ITGB5: variants seen among roughly 807,000 people sequenced by gnomAD.
The protein encoded by ITGB5 is integrin subunit beta 5.
In ITGB5, 38 loss-of-function variants were observed where a neutral mutation model predicts 84.8. That is an observed-to-expected ratio of 0.45 (90% CI 0.35 to 0.59). ITGB5 has a LOEUF of 0.59. ITGB5 is among the 20% of genes least tolerant of loss of function. ITGB5 has a pLI of 0.01. For missense variants in ITGB5, 905 were observed against 1,034.5 expected, an observed-to-expected ratio of 0.87 and a Z score of 1.72; for synonymous variants, 393 against 414.4, an observed-to-expected ratio of 0.95 and a Z score of 0.63.
rs778549851 is a variant in ITGB5, at chr3:124,762,649, AC to A, written c.*973del. The A allele has an allele frequency of 4.6e-5, 7 of 152,106 alleles. No homozygotes were observed. The highest frequency in any genetic ancestry group is 2.9e-5 in the Non-Finnish European group (2 of 68,032). The allele number at this position is 152,106 out of a possible 1,614,324, so 9.4% of individuals were successfully genotyped here. A position where few individuals can be genotyped will look rare whatever the true frequency, so the allele number is the denominator to read the frequency against. Reference sequence around the variant, plus strand: ...GACTTCGTGTGGGAACCACCACTCAACCCTTGCTTGTCTGTACAATCTATTT... The same window carrying A: ...GACTTCGTGTGGGAACCACCACTCAACCTTGCTTGTCTGTACAATCTATTT... On this transcript the variant is annotated 3_prime_UTR_variant, in exon 15 of 15. Transcript: ENST00000296181.
chr3:124,896,331 A>G (rs1037780297), intron 1 of ITGB5, among the ~76,000 whole-genome samples: 1 of 152,156 alleles, frequency 6.6e-6, no homozygotes, highest in Non-Finnish European at 1.5e-5. Context: ...GTCCCCTCCA[A>G]TATTTCAGAG....
chr3:124,802,709 C>T (rs547597156), intron 9 of ITGB5, among the ~76,000 whole-genome samples: 24 of 152,356 alleles, frequency 1.6e-4, no homozygotes, highest in East Asian at 7.7e-4. Context: ...GTTCTGCCCC[C>T]GATGGCCTCC....
At chr3:124,897,694 A>G (rs1197807428) in intron 1 of ITGB5, among the ~76,000 whole-genome samples, 1 of 152,220 alleles carries the variant, frequency 6.6e-6, no homozygotes, top group African/African-American at 2.4e-5. Flanking sequence ...TTGTGGAATG[A>G]TGCATTTATC....
chr3:124,783,107 A>G (rs1405917367), intron 10 of ITGB5, among the ~76,000 whole-genome samples: 2 of 151,814 alleles, frequency 1.3e-5, no homozygotes, highest in Non-Finnish European at 2.9e-5. Flanking sequence ...CCTGGGCAAC[A>G]TGATAAAACC....
chr3:124,816,269 A>G (rs932307550), intron 8 of ITGB5, among the ~76,000 whole-genome samples: 2 of 152,204 alleles, frequency 1.3e-5, no homozygotes, highest in African/African-American at 4.8e-5. Flanking sequence ...TTGCAACTCA[A>G]AACAGGGCCA....
chr3:124,883,866 G>A (rs933838052), intron 1 of ITGB5, among the ~76,000 whole-genome samples: 1 of 152,144 alleles, frequency 6.6e-6, no homozygotes, highest in African/African-American at 2.4e-5. Context: ...CTGTCTGAAG[G>A]CTCTTGGCCA....
chr3:124,831,309 A>G (rs577606205), intron 5 of ITGB5, among the ~76,000 whole-genome samples: 42 of 152,242 alleles, frequency 2.8e-4, no homozygotes, highest in African/African-American at 1.0e-3. Context: ...TAGGCTGGAA[A>G]AGTGGCCTGT....
At chr3:124,827,117 A>G (rs1402865563) in intron 5 of ITGB5, among the ~76,000 whole-genome samples, 1 of 152,208 alleles carries the variant, frequency 6.6e-6, no homozygotes, top group African/African-American at 2.4e-5. Flanking sequence ...CAACAAAACA[A>G]AACAAAAAAA....
At chr3:124,855,865 T>A (rs1025980325) in intron 3 of ITGB5, among the ~76,000 whole-genome samples, 1 of 152,226 alleles carries the variant, frequency 6.6e-6, no homozygotes, top group Non-Finnish European at 1.5e-5. Context: ...CAAATAAGAA[T>A]GATTTTCTTC....
At chr3:124,773,439 G>A (rs995878602) in intron 11 of ITGB5, among the ~76,000 whole-genome samples, 1 of 152,220 alleles carries the variant, frequency 6.6e-6, no homozygotes, top group African/African-American at 2.4e-5. Context: ...TTCTAAACGT[G>A]TTTAGGAACA....
At chr3:124,764,647 AC>A (rs2063742093) in intron 13 of ITGB5, 90 bp from the exon 14 acceptor site, 3 of 1,340,124 alleles carry the variant, frequency 2.2e-6, no homozygotes, top group Non-Finnish European at 3.1e-6. Flanking sequence ...TGAAAGTTGC[AC>A]CCCTTCCAAA....
chr3:124,867,525 C>T (rs950111390), intron 2 of ITGB5, among the ~76,000 whole-genome samples: 5 of 152,260 alleles, frequency 3.3e-5, no homozygotes, highest in African/African-American at 4.8e-5. Context: ...GCCTTGCCCA[C>T]TTCTCCCAAA....
chr3:124,899,853 CAAAAAAAAAAAAAA>C (rs60859904), intron 1 of ITGB5, among the ~76,000 whole-genome samples: 5 of 35,008 alleles, frequency 1.4e-4, no homozygotes, highest in Admixed American at 5.7e-4. Context: ...GACCCTGTCT[CAAAAAAAAAAAAAA>C]AAAAAAAAAA....
Position 124,766,227 on chromosome 3 carries a change from T to C in ITGB5, c.2136A>G (p.Pro712=), listed in dbSNP as rs1364091643. The C allele has an allele frequency of 1.9e-6, 3 of 1,613,476 alleles. No individual in the cohort carries two copies. Among genetic ancestry groups the C allele is most frequent in the Non-Finnish European group, 8.5e-7 (1 of 1,179,810 alleles). ...CGAGCCCTTGCAGCCCTCACCTACC[T>C]GGCTCCCTGAGGACGGTCAGGTTGG... is the stretch of plus-strand genomic sequence containing the variant. ...GKSNLTVLRE[P]ECGNTPNAMT... The change falls in exon 13 of 15, where the codon CCA becomes CCG. Residue 712 remains proline (P), a splice_region_variant and synonymous_variant. Transcript: ENST00000296181.
intron 1 of ITGB5, among the ~76,000 whole-genome samples, chr3:124,882,451 G>A (rs1237102428): frequency 6.6e-6 from 1 of 152,214 alleles, no homozygotes; most frequent in African/African-American, 2.4e-5. Context: ...GGTGGAGGAA[G>A]CCGGTCATGC....
intron 5 of ITGB5, among the ~76,000 whole-genome samples, chr3:124,840,420 T>C (rs151094723): frequency 6.6e-6 from 1 of 150,584 alleles, no homozygotes; most frequent in East Asian, 1.9e-4. Context: ...GTTATGATAG[T>C]GAATTTAAGA....
chr3:124,805,860 A>G (rs971902303), intron 9 of ITGB5, among the ~76,000 whole-genome samples: 1 of 152,172 alleles, frequency 6.6e-6, no homozygotes, highest in African/African-American at 2.4e-5. Flanking sequence ...TCCTAGTAAC[A>G]TTCTGAACTA....
intron 10 of ITGB5, among the ~76,000 whole-genome samples, chr3:124,779,380 C>G (rs191076265): frequency 2.8e-4 from 43 of 152,048 alleles, no homozygotes; most frequent in Middle Eastern, 3.4e-3. Flanking sequence ...GGGCGAGAAA[C>G]GTGTGACCTG....
intron 1 of ITGB5, among the ~76,000 whole-genome samples, chr3:124,879,116 A>C (rs372188396): frequency 6.6e-6 from 1 of 152,180 alleles, no homozygotes; most frequent in African/African-American, 2.4e-5. Context: ...TTCAAGATGC[A>C]AGAAATGTTT....
Sources: gnomAD v4.1 joint callset for allele counts (sites outside exome capture counted in the v4.1 genomes callset) on GRCh38, gnomAD v4.1.1 for gene constraint, MANE v1.5 for transcripts, NCBI Gene and HGNC (gene_info 2026-07-23, HGNC 2026-07-21) for gene names.